CHN1: variants seen among roughly 807,000 people sequenced by gnomAD.
CHN1 encodes the protein chimerin 1.
CHN1 carries 37 observed loss-of-function variants against 59.5 expected under a neutral mutation model. The observed-to-expected ratio is 0.62, with a 90% CI of 0.48 to 0.82. CHN1 has a LOEUF of 0.82. Among genes scored for constraint, CHN1 ranks in the 40% least tolerant of loss-of-function variants. CHN1 has a pLI of 0.00. For synonymous variants in CHN1, 206 were observed against 200.4 expected, an observed-to-expected ratio of 1.03 and a Z score of -0.24; for missense variants, 469 against 571.0, an observed-to-expected ratio of 0.82 and a Z score of 1.82.
Position 174,867,897 on chromosome 2 carries a change from T to C in CHN1, c.549+9943A>G, listed in dbSNP as rs140854506. 5.7e-3 allele frequency among the ~76,000 whole-genome samples: 864 copies of C among 152,302 alleles called. 9 individuals are homozygous for C. The highest frequency in any genetic ancestry group is 0.02 in the African/African-American group (812 of 41,570). ...ATAGTGTGACCTGGGTTAATTTTTA[T>C]ATTCTTATTGTTTCTCATAGTTTTA... On this transcript the variant is annotated intron_variant, in intron 6 of 12. Coordinates refer to ENST00000409900, the MANE Select transcript of CHN1 (RefSeq NM_001822.7).
At chr2:174,996,575 G>A (rs181362892) in intron 1 of CHN1, among the ~76,000 whole-genome samples, 2 of 151,968 alleles carry the variant, frequency 1.3e-5, no homozygotes, top group Non-Finnish European at 2.9e-5. Flanking sequence ...GCTGATCCTT[G>A]GCAGAGAAAG....
At chr2:174,994,148 C>T (rs963376616) in intron 1 of CHN1, among the ~76,000 whole-genome samples, 20 of 152,142 alleles carry the variant, frequency 1.3e-4, no homozygotes, top group Non-Finnish European at 2.8e-4. Flanking sequence ...AATTTGTTAT[C>T]TAATTATGCC....
At position 174,978,549 on chromosome 2, in the gene CHN1, T is replaced by G. The variant is rs919917586; in HGVS notation, c.19+26345A>C. 2.0e-5 allele frequency among the ~76,000 whole-genome samples: 3 copies of G among 152,230 alleles called. No individual in the cohort carries two copies. In the South Asian group the frequency reaches 6.2e-4, roughly 31 times the overall value. On this transcript the variant is annotated intron_variant, in intron 1 of 12. Transcript: ENST00000409900. ...TAAACATTTCTACAAACCTACTTAC[T>G]ACACAGGTAATGGCTCATACTTTGC...
At chr2:174,981,115 C>T (rs572804234) in intron 1 of CHN1, among the ~76,000 whole-genome samples, 1 of 152,220 alleles carries the variant, frequency 6.6e-6, no homozygotes, top group South Asian at 2.1e-4. Flanking sequence ...TTTCAATGTG[C>T]TCAAAGATCT....
intron 3 of CHN1, among the ~76,000 whole-genome samples, chr2:174,936,436 A>G (rs1235776576): frequency 6.6e-6 from 1 of 152,168 alleles, no homozygotes; most frequent in Admixed American, 6.5e-5. Flanking sequence ...TACCTATGTA[A>G]TAAATAGATA....
At chr2:174,835,068 A>G (rs1033588277) in intron 7 of CHN1, among the ~76,000 whole-genome samples, 3 of 152,180 alleles carry the variant, frequency 2.0e-5, no homozygotes, top group African/African-American at 4.8e-5. Flanking sequence ...TAAACCCACC[A>G]TAAGTTGAAA....
chr2:174,889,156 C>T (rs894081060), intron 5 of CHN1, among the ~76,000 whole-genome samples: 1 of 152,132 alleles, frequency 6.6e-6, no homozygotes, highest in African/African-American at 2.4e-5. Context: ...CACACACAAG[C>T]CCAGAGAAAA....
At position 174,865,829 on chromosome 2, in the gene CHN1, G is replaced by A. The variant is rs905148715; in HGVS notation, c.549+12011C>T. Among the ~76,000 whole-genome samples, 13 of 152,020 alleles carry A rather than the reference G, an allele frequency of 8.6e-5. No homozygotes were observed. In the South Asian group the frequency reaches 1.0e-3, roughly 12 times the overall value. On this transcript the variant is annotated intron_variant, in intron 6 of 12. Coordinates refer to ENST00000409900, the MANE Select transcript of CHN1 (RefSeq NM_001822.7). ...TGTCAGAAGTACAGAATCTTTAATC[G>A]GAAAAACCTCTTAAAGGTTAACAAA...
At chr2:174,913,138 A>T (rs1366380697) in intron 5 of CHN1, among the ~76,000 whole-genome samples, 1 of 152,220 alleles carries the variant, frequency 6.6e-6, no homozygotes, top group Admixed American at 6.5e-5. Flanking sequence ...TGACAGATAT[A>T]AGATGACAGG....
At chr2:174,833,022 T>A (rs546634887) in intron 7 of CHN1, among the ~76,000 whole-genome samples, 5 of 152,270 alleles carry the variant, frequency 3.3e-5, no homozygotes, top group East Asian at 1.9e-4. Flanking sequence ...ATATGACACA[T>A]GGTTATATTT....
intron 3 of CHN1, among the ~76,000 whole-genome samples, chr2:174,930,422 A>G (rs1221648327): frequency 6.6e-6 from 1 of 152,216 alleles, no homozygotes; most frequent in Non-Finnish European, 1.5e-5. Context: ...GCACTTTATT[A>G]CGGCTCAGGG....
At chr2:174,943,737 A>G (rs1167492696) in intron 3 of CHN1, among the ~76,000 whole-genome samples, 2 of 152,084 alleles carry the variant, frequency 1.3e-5, no homozygotes, top group Non-Finnish European at 2.9e-5. Flanking sequence ...ACTCCTTATC[A>G]TAATTATTAT....
chr2:174,888,272 C>A (rs1199968522), intron 5 of CHN1, among the ~76,000 whole-genome samples: 2 of 152,270 alleles, frequency 1.3e-5, no homozygotes, highest in Non-Finnish European at 2.9e-5. Flanking sequence ...CAGGAAAGGT[C>A]AATCTGCATC....
intron 3 of CHN1, among the ~76,000 whole-genome samples, chr2:174,941,539 T>C (rs1689663380): frequency 6.6e-6 from 1 of 152,224 alleles, no homozygotes; most frequent in African/African-American, 2.4e-5. Context: ...TGCTCTATCC[T>C]ATATTACAAA....
At chr2:174,807,459 T>TGTGTGTGTGTGG (rs1684927569) in intron 11 of CHN1, among the ~76,000 whole-genome samples, 1 of 92,712 alleles carries the variant, frequency 1.1e-5, no homozygotes, top group Non-Finnish European at 2.1e-5. Flanking sequence ...TGTGTGTGTG[T>TGTGTGTGTGTGG]GTGTGTGTGT....
intron 1 of CHN1, among the ~76,000 whole-genome samples, chr2:175,002,843 T>C (rs1434159588): frequency 2.6e-5 from 4 of 152,196 alleles, no homozygotes; most frequent in Admixed American, 2.6e-4. Context: ...TAAGAGTAAA[T>C]ATGAAGGGAC....
At chr2:174,820,143 C>T (rs1467747157) in intron 8 of CHN1, among the ~76,000 whole-genome samples, 1 of 152,040 alleles carries the variant, frequency 6.6e-6, no homozygotes, top group African/African-American at 2.4e-5. Flanking sequence ...GTGCATGTGT[C>T]TTTATAGCAG....
intron 2 of CHN1, among the ~76,000 whole-genome samples, chr2:174,945,912 T>G (rs1689817500): frequency 6.9e-6 from 1 of 145,760 alleles, no homozygotes; most frequent in Non-Finnish European, 1.5e-5. Context: ...AATTAGCCTG[T>G]GTGTGTGTGT....
chr2:174,860,542 A>G (rs1687038503), intron 6 of CHN1, among the ~76,000 whole-genome samples: 1 of 152,208 alleles, frequency 6.6e-6, no homozygotes, highest in Admixed American at 6.5e-5. Flanking sequence ...GTTTTCACTC[A>G]GCATACATTT....
Sources: gnomAD v4.1 joint callset for allele counts (sites outside exome capture counted in the v4.1 genomes callset) on GRCh38, gnomAD v4.1.1 for gene constraint, MANE v1.5 for transcripts, NCBI Gene and HGNC (gene_info 2026-07-23, HGNC 2026-07-21) for gene names.